The following PASK variants were observed in gnomAD, a reference collection of about 807,000 sequenced individuals.
PASK encodes PAS domain-containing serine/threonine-protein kinase.
A neutral mutation model predicts 121.0 loss-of-function variants in PASK; 110 were observed. That is an observed-to-expected ratio of 0.91 (90% CI 0.78 to 1.06). The LOEUF (loss-of-function observed/expected upper bound fraction) is 1.06. Ranked by LOEUF, PASK falls within the 50% of genes least tolerant of loss-of-function variation. The pLI, the probability that PASK is intolerant of heterozygous loss-of-function variation, is 0.00. For missense variants in PASK, 1,643 were observed against 1,702.3 expected (o/e 0.97, Z 0.61); for synonymous variants, 686 against 717.8 (o/e 0.96, Z 0.71).
intron 8 of PASK, 129 bp downstream of exon 8, chr2:241,135,742 C>T (rs951802290): frequency 3.7e-6 from 3 of 807,032 alleles, no homozygotes; most frequent in African/African-American, 1.7e-5. Context: ...ACCCCCTACT[C>T]CGCCCCCCAC....
At chr2:241,119,064 G>A in intron 12 of PASK, 1 of 471,892 alleles carries the variant, frequency 2.1e-6, no homozygotes, top group Non-Finnish European at 2.8e-6. Flanking sequence ...ACAGAGGGAG[G>A]ATTCAAGTCG....
rs6727226 is a variant in PASK at position 241,126,835 on chromosome 2, C to T, written c.2080G>A (p.Val694Met). Reference protein sequence around the residue: ...PTECQAVTAPVSSCDLGGRDL... With the variant: ...PTECQAVTAPMSSCDLGGRDL... ...CTGCCTCCCAGATCGCAGGACGACA[C>T]AGGAGCGGTGACAGCCTGGCACTCT... The change falls in exon 10 of 18, where the codon GTG becomes ATG. Residue 694 changes from valine (V) to methionine (M), a missense_variant. Physicochemically the swap from Val to Met is conservative, Grantham distance 21 (BLOSUM62 1). Transcript: ENST00000234040. 4.7e-3 allele frequency: 7,547 copies of T among 1,613,096 alleles called. 268 individuals carry two copies. The African/African-American group carries it at 0.084, about 18-fold the overall frequency.
intron 12 of PASK, among the ~76,000 whole-genome samples, chr2:241,120,722 T>C (rs2065571166): frequency 6.6e-6 from 1 of 152,196 alleles, no homozygotes; most frequent in African/African-American, 2.4e-5. Flanking sequence ...ACACTGCTGA[T>C]GGGAATGTAA....
chr2:241,115,382 A>T lies in PASK; in HGVS notation c.3104T>A (p.Val1035Asp). The change falls in exon 13 of 18, where the codon GTC (valine) becomes GAC (aspartate). Residue 1035 changes from valine (V) to aspartate (D), a missense_variant. Around this residue, in one of 3 missense-constraint regions of PASK, gnomAD observed 453 missense variants for 511.2 expected, o/e 0.89. Coordinates refer to ENST00000234040, the MANE Select transcript of PASK (RefSeq NM_015148.4). ...ATCCTCAATCCAACAATCCTCCAAG[A>T]CCTTCTCCTTCTTAATAAACTTCAC... The part of the protein sequence containing the change: ...VVVKFIKKEK[V>D]LEDCWIEDPK... 1 of 1,613,746 alleles carries T rather than the reference A, an allele frequency of 6.2e-7. No homozygotes were observed. The highest frequency in any genetic ancestry group is 8.5e-7 in the Non-Finnish European group (1 of 1,179,776).
chr2:241,132,697 G>A (rs1464611387), intron 9 of PASK, among the ~76,000 whole-genome samples, 177 bp downstream of exon 9: 1 of 152,160 alleles, frequency 6.6e-6, no homozygotes, highest in African/African-American at 2.4e-5. Flanking sequence ...GACTCAGCCA[G>A]GCAGCACAGA....
intron 2 of PASK, among the ~76,000 whole-genome samples, chr2:241,141,382 G>A (rs2066691549): frequency 6.6e-6 from 1 of 152,144 alleles, no homozygotes; most frequent in African/African-American, 2.4e-5. Flanking sequence ...TCCGGTGGCT[G>A]CCCCGTCACC....
chr2:241,111,132 A>G (rs183539905), intron 15 of PASK, among the ~76,000 whole-genome samples: 20 of 152,290 alleles, frequency 1.3e-4, no homozygotes, highest in Admixed American at 3.9e-4. Context: ...CCTCTCCCCA[A>G]TGCTGAGGCC....
Position 241,137,988 on chromosome 2 carries a change from C to T in PASK, c.841G>A (p.Val281Met), listed in dbSNP as rs760327884. The change falls in exon 6 of 18, where the codon GTG becomes ATG. Residue 281 changes from valine to methionine, a missense_variant. Physicochemically the swap from Val to Met is conservative, Grantham distance 21 (BLOSUM62 1). This residue lies in a region of PASK where 1,176 missense variants were observed against 1,162.2 expected (regional missense o/e 1.01). Transcript: ENST00000234040. ...TGCTGGCCAGAAGGAGGGAGCTGCA[C>T]AGAAGGGATCAGGTCTGTGATATGC... ...GQHITDLIPSVQLPPSGQHIP... is the reference protein window; with the variant it reads ...GQHITDLIPSMQLPPSGQHIP... 1.2e-6 allele frequency: 2 copies of T among 1,614,212 alleles called. No homozygotes were observed. The highest frequency in any genetic ancestry group is 1.1e-5 in the South Asian group (1 of 91,092).
chr2:241,115,116 C>T lies in PASK; in HGVS notation c.3260G>A (p.Gly1087Asp). Residue 1087 changes from glycine to aspartate, a missense_variant, in exon 14 of 18, where the codon GGC (glycine) becomes GAC (aspartate). By Grantham distance (94) the Gly-to-Asp change is moderately conservative. Around this residue, in one of 3 missense-constraint regions of PASK, gnomAD observed 453 missense variants for 511.2 expected, o/e 0.89. Coordinates refer to ENST00000234040, the MANE Select transcript of PASK (RefSeq NM_015148.4). ...GTCGATGAAAGCGAAGAGGTCTAGG[C>T]CGGAGCCGTGCTTCTCCATCACAAG... is the stretch of plus-strand genomic sequence containing the variant. The part of the protein sequence containing the change: ...FQLVMEKHGS[G>D]LDLFAFIDRH... 1 of 1,614,136 alleles carries T rather than the reference C, an allele frequency of 6.2e-7. No homozygotes were observed. Among genetic ancestry groups the T allele is most frequent in the Non-Finnish European group, 8.5e-7 (1 of 1,179,994 alleles).
At chr2:241,146,232 C>A (rs2066947078) in intron 1 of PASK, among the ~76,000 whole-genome samples, 1 of 152,086 alleles carries the variant, frequency 6.6e-6, no homozygotes, top group South Asian at 2.1e-4. Context: ...TCTAGTAATA[C>A]CCAATGTCAA....
At chr2:241,144,226 G>C (rs935246764) in intron 1 of PASK, among the ~76,000 whole-genome samples, 1 of 152,216 alleles carries the variant, frequency 6.6e-6, no homozygotes, top group African/African-American at 2.4e-5. Context: ...CCACCCTGCA[G>C]AGTGGAGATA....
intron 1 of PASK, among the ~76,000 whole-genome samples, chr2:241,143,614 A>T (rs924478935): frequency 3.9e-5 from 6 of 151,924 alleles, no homozygotes; most frequent in African/African-American, 1.2e-4. Context: ...TATGGGAAAG[A>T]GGGAAGGAGA....
rs190426766 is a variant in PASK at position 241,141,186 on chromosome 2, C to A, written c.197-433G>T. On this transcript the variant is annotated intron_variant, in intron 2 of 17. Transcript: ENST00000234040. ...CTTGCAGCCCCATCTACTCAGGAGG[C>A]TAAGGCAGGAGGATTGCCTGAGCCC... Among the ~76,000 whole-genome samples the A allele has an allele frequency of 1.3e-3, 200 of 152,312 alleles. 1 individual carries two copies. Among genetic ancestry groups the A allele is most frequent in the African/African-American group, 4.6e-3 (190 of 41,564 alleles).
upstream of PASK, chr2:241,149,831 G>A: frequency 1.3e-6 from 2 of 1,508,444 alleles, no homozygotes; most frequent in African/African-American, 1.4e-5. Flanking sequence ...GCACTGGGCT[G>A]GGAACGACTT....
chr2:241,145,668 A>G (rs1228940501), intron 1 of PASK: 1 of 151,968 alleles, frequency 6.6e-6, no homozygotes, highest in Non-Finnish European at 1.5e-5. Flanking sequence ...CGAGGTCAAG[A>G]GATCAAGACC....
chr2:241,127,201 G>A lies in PASK; in HGVS notation c.1714C>T (p.Gln572Ter). 6.2e-7 allele frequency: 1 copy of A among 1,614,250 alleles called. No homozygotes were observed. Residue 572 changes from glutamine to a stop codon, truncating the protein, a stop_gained, in exon 10 of 18, where the codon CAG becomes TAG. Coordinates refer to ENST00000234040, the MANE Select transcript of PASK (RefSeq NM_015148.4). LOFTEE classifies it high-confidence loss of function. ...AGMCGLCQKA[Q>*]LERMGVSGPS... ...CCACTGACTCCCATCCGCTCTAGCTGGGCCTTCTGACACAGGCCACACATG... is the reference window on the plus strand; with the variant it reads ...CCACTGACTCCCATCCGCTCTAGCTAGGCCTTCTGACACAGGCCACACATG...
intron 4 of PASK, 56 bp downstream of exon 4, chr2:241,139,829 T>G: frequency 6.4e-7 from 1 of 1,553,054 alleles, no homozygotes; most frequent in Non-Finnish European, 8.9e-7. Flanking sequence ...GAGCTGTTCC[T>G]GCCACACACT....
intron 5 of PASK, 101 bp from the exon 6 acceptor site, chr2:241,138,188 T>C (rs1179048100): frequency 1.6e-6 from 2 of 1,231,644 alleles, no homozygotes; most frequent in African/African-American, 3.0e-5. Flanking sequence ...GACCCCAACA[T>C]GACTTCTCCA....
rs1035333864 is a variant in PASK at position 241,112,010 on chromosome 2, CAAAT to C, written c.3533+226_3533+229del. Among the ~76,000 whole-genome samples, 5 of 152,134 alleles carry C rather than the reference CAAAT, an allele frequency of 3.3e-5. No individual in the cohort carries two copies. The highest frequency in any genetic ancestry group is 1.9e-4 in the East Asian group (1 of 5,200). ...GCTTTTTATTATATGAAACTCCAAA[CAAAT>C]AAAAGCTGAGAAAATAAAATTATTA... On this transcript the variant is annotated intron_variant, in intron 15 of 17. Coordinates refer to ENST00000234040, the MANE Select transcript of PASK (RefSeq NM_015148.4). This position sits in a 1 kb window ranked among gnomAD's most constrained non-coding sequence, Gnocchi z 5.2.
Sources: gnomAD v4.1 joint callset for allele counts (sites outside exome capture counted in the v4.1 genomes callset) on GRCh38, gnomAD v4.1.1 for gene constraint, gnomAD v4.1.1 regional missense constraint, Gnocchi (gnomAD v3.1) non-coding constraint, MANE v1.5 for transcripts, NCBI Gene and HGNC (gene_info 2026-07-23, HGNC 2026-07-21) for gene names.